Variants in ESYT2 observed in about 807,000 individuals in gnomAD.
The protein encoded by ESYT2 is extended synaptotagmin 2.
A neutral mutation model predicts 107.2 loss-of-function variants in ESYT2; 54 were observed. The ratio of observed to expected loss-of-function variants is 0.50; its 90% CI spans 0.40 to 0.63. ESYT2 has a LOEUF of 0.63. Ranked by LOEUF, ESYT2 falls within the 30% of genes least tolerant of loss-of-function variation. The pLI, the probability that ESYT2 is intolerant of heterozygous loss-of-function variation, is 0.00. For synonymous variants in ESYT2, 491 were observed against 434.1 expected (o/e 1.13, Z -1.63); for missense variants, 1,020 against 1,094.5 (o/e 0.93, Z 0.96).
At chr7:158,803,334 G>T (rs1247114603) in intron 1 of ESYT2, among the ~76,000 whole-genome samples, 1 of 152,226 alleles carries the variant, frequency 6.6e-6, no homozygotes, top group South Asian at 2.1e-4. Flanking sequence ...AAATGGAACA[G>T]ATAAGGCAAA....
rs1836800758 is a variant in ESYT2 at position 158,733,121 on chromosome 7, C to T, written c.*1086G>A. ...GCTCGCAGCTGTGGCGCCCCCAACC[C>T]TGGTGGTGGCCAGTGCACATCGGCT... On this transcript the variant is annotated 3_prime_UTR_variant, in exon 23 of 23. Transcript: ENST00000275418. 1 of 152,256 alleles carries T rather than the reference C, an allele frequency of 6.6e-6. No homozygotes were observed. The highest frequency in any genetic ancestry group is 1.5e-5 in the Non-Finnish European group (1 of 68,050). The allele number at this position is 152,256 out of a possible 1,614,324, so 9.4% of individuals were successfully genotyped here.
intron 20 of ESYT2, among the ~76,000 whole-genome samples, chr7:158,736,796 A>ACT (rs2129471149): frequency 6.6e-6 from 1 of 152,328 alleles, no homozygotes; most frequent in South Asian, 2.1e-4. Context: ...GGCCATCAGT[A>ACT]ACCTGATCTT....
chr7:158,809,776 A>C (rs1028864234), intron 1 of ESYT2, among the ~76,000 whole-genome samples: 4 of 152,242 alleles, frequency 2.6e-5, no homozygotes, highest in Non-Finnish European at 5.9e-5. Context: ...TAGGCCAATC[A>C]CCAGGTTTTG....
chr7:158,790,519 C>T lies in ESYT2; in HGVS notation c.585-2102G>A, dbSNP rs80163360. 0.011 allele frequency among the ~76,000 whole-genome samples: 1,618 copies of T among 152,288 alleles called. 51 individuals are homozygous for T. In the East Asian group the frequency reaches 0.12, roughly 11 times the overall value. The stretch of plus-strand genomic sequence containing the variant: ...CTGCCCTCCAGCCCGGGTGACAGAG[C>T]GAGACCCTATGGGGGGTGTGGGGGG... On this transcript the variant is annotated intron_variant, in intron 4 of 22. Coordinates refer to ENST00000275418, the MANE Select transcript of ESYT2 (RefSeq NM_001367773.1).
chr7:158,829,171 C>G lies in ESYT2; in HGVS notation c.248G>C (p.Arg83Pro). 6.5e-7 allele frequency: 1 copy of G among 1,547,798 alleles called. No individual in the cohort carries two copies. Among genetic ancestry groups the G allele is most frequent in the Non-Finnish European group, 8.7e-7 (1 of 1,155,462 alleles). Residue 83 changes from arginine (R) to proline (P), a missense_variant, in exon 1 of 23, where the codon CGC (arginine) becomes CCC (proline). Transcript: ENST00000275418. Reference protein sequence around the residue: ...CRRSRGLKALRLCRALALLED... With the variant: ...CRRSRGLKALPLCRALALLED... ...CAGCAGCGCCAGCGCGCGGCACAGG[C>G]GCAGGGCCTTGAGGCCGCGGCTGCG...
intron 6 of ESYT2, among the ~76,000 whole-genome samples, chr7:158,781,176 AGAGAACAAAT>A (rs1563648290): frequency 6.6e-6 from 1 of 152,212 alleles, no homozygotes; most frequent in East Asian, 1.9e-4. Flanking sequence ...GAGGAGTGTG[AGAGAACAAAT>A]GAGAACAAGT....
intron 6 of ESYT2, among the ~76,000 whole-genome samples, chr7:158,785,754 G>A (rs770361107): frequency 6.6e-6 from 1 of 152,094 alleles, no homozygotes; most frequent in African/African-American, 2.4e-5. Flanking sequence ...TAACCACAGC[G>A]CTGTGCTGCC....
chr7:158,788,101 C>CA lies in ESYT2; in HGVS notation c.658-9dup. On this transcript the variant is annotated splice_polypyrimidine_tract_variant and intron_variant, in intron 5 of 22. Transcript: ENST00000275418. ...CCGCATGGTACCATGAATCTAAACT[C>CA]AAACAGGAAACCAAAATATGTAATA... is the stretch of plus-strand genomic sequence containing the variant. The CA allele has an allele frequency of 6.2e-7, 1 of 1,612,768 alleles. No individual in the cohort carries two copies. The highest frequency in any genetic ancestry group is 8.5e-7 in the Non-Finnish European group (1 of 1,178,872).
chr7:158,743,793 G>T, intron 16 of ESYT2, 115 bp from the exon 17 acceptor site: 1 of 1,229,716 alleles, frequency 8.1e-7, no homozygotes, highest in Non-Finnish European at 1.1e-6. Flanking sequence ...AGAAAATGTA[G>T]AAAGGGGCCA....
rs370649716 is a variant in ESYT2, at chr7:158,735,502, C to A, written c.2505+1G>T. 1.2e-6 allele frequency: 2 copies of A among 1,613,356 alleles called. No individual in the cohort carries two copies. Among genetic ancestry groups the A allele is most frequent in the Non-Finnish European group, 1.7e-6 (2 of 1,179,362 alleles). ...TGGTTGAGGATTCGTTTGGCACTTA[C>A]TTTGCCAAGGAGCCCTTTGTCTTTG... is the stretch of plus-strand genomic sequence containing the variant. On this transcript the variant is annotated splice_donor_variant, in intron 21 of 22. Coordinates refer to ENST00000275418, the MANE Select transcript of ESYT2 (RefSeq NM_001367773.1). LOFTEE classifies it high-confidence loss of function.
Position 158,738,173 on chromosome 7 carries a change from G to A in ESYT2, c.2267+850C>T, listed in dbSNP as rs560213359. On this transcript the variant is annotated intron_variant, in intron 19 of 22. Transcript: ENST00000275418. ...TACTAAAAATACAAGTTAGTCGGAC[G>A]AGGTAGTGCACGCCTGTAATCCCAC... Among the ~76,000 whole-genome samples, 8 of 152,072 alleles carry A rather than the reference G, an allele frequency of 5.3e-5. No homozygotes were observed. In the South Asian group the frequency reaches 6.2e-4, roughly 12 times the overall value.
At chr7:158,822,459 CGT>C (rs1313752597) in intron 1 of ESYT2, among the ~76,000 whole-genome samples, 2 of 152,032 alleles carry the variant, frequency 1.3e-5, no homozygotes, top group African/African-American at 4.8e-5. Context: ...GTATAGCATC[CGT>C]GTTTAAGGGA....
At chr7:158,773,807 T>C (rs925649608) in intron 6 of ESYT2, among the ~76,000 whole-genome samples, 19 of 152,220 alleles carry the variant, frequency 1.2e-4, no homozygotes, top group African/African-American at 4.6e-4. Flanking sequence ...TTAATGTCAA[T>C]AGATGGTACC....
Position 158,735,603 on chromosome 7 carries a change from T to C in ESYT2, c.2405A>G (p.Asp802Gly), listed in dbSNP as rs771204628. The change falls in exon 21 of 23, where the codon GAT (aspartate) becomes GGT (glycine). Residue 802 changes from aspartate (D) to glycine (G), a missense_variant. By Grantham distance (94) the Asp-to-Gly change is moderately conservative. Coordinates refer to ENST00000275418, the MANE Select transcript of ESYT2 (RefSeq NM_001367773.1). Reference protein sequence around the residue: ...TLNPVFDQSFDFSVSLPEVQR... With the variant: ...TLNPVFDQSFGFSVSLPEVQR... ...CACTTCTGGTAACGAAACACTGAAATCAAAGCTGAAATAGGAAACGAGAGC... is the reference window on the plus strand; with the variant it reads ...CACTTCTGGTAACGAAACACTGAAACCAAAGCTGAAATAGGAAACGAGAGC... 3 of 1,613,338 alleles carry C rather than the reference T, an allele frequency of 1.9e-6. No individual in the cohort carries two copies. Among genetic ancestry groups the C allele is most frequent in the Non-Finnish European group, 2.5e-6 (3 of 1,179,360 alleles).
At position 158,741,787 on chromosome 7, in the gene ESYT2, A is replaced by G. The variant is rs536103534; in HGVS notation, c.1904T>C (p.Met635Thr). Reference sequence around the variant, plus strand: ...GCCACCAGGGCCTGGAGACCCAGACATATGAGATTTGATGGATGTTTTCCT... The same window carrying G: ...GCCACCAGGGCCTGGAGACCCAGACGTATGAGATTTGATGGATGTTTTCCT... Reference protein sequence around the residue: ...EGRKTSIKSHMSGSPGPGGSN... With the variant: ...EGRKTSIKSHTSGSPGPGGSN... Residue 635 changes from methionine to threonine, a missense_variant, in exon 18 of 23, where the codon ATG becomes ACG. Coordinates refer to ENST00000275418, the MANE Select transcript of ESYT2 (RefSeq NM_001367773.1). The G allele has an allele frequency of 6.2e-7, 1 of 1,614,086 alleles. No individual in the cohort carries two copies. Among genetic ancestry groups the G allele is most frequent in the African/African-American group, 1.3e-5 (1 of 75,018 alleles).
At chr7:158,759,454 G>A (rs145413440) in intron 13 of ESYT2, 32 bp downstream of exon 13, 13 of 1,535,058 alleles carry the variant, frequency 8.5e-6, no homozygotes, top group East Asian at 6.8e-5. Context: ...TAGGAAATAC[G>A]CACCCACAGG....
intron 8 of ESYT2, 32 bp from the exon 9 acceptor site, chr7:158,764,885 C>T (rs755762964): frequency 6.2e-7 from 1 of 1,601,608 alleles, no homozygotes; most frequent in South Asian, 1.1e-5. Flanking sequence ...AGTTTAGACC[C>T]TTGGCTGGCT....
chr7:158,766,796 ACG>A (rs1471537859), intron 8 of ESYT2, among the ~76,000 whole-genome samples: 1 of 152,246 alleles, frequency 6.6e-6, no homozygotes, highest in Admixed American at 6.5e-5. Flanking sequence ...AGACACCACC[ACG>A]GTGGTAATGC....
chr7:158,827,179 G>GA (rs1840482741), intron 1 of ESYT2, among the ~76,000 whole-genome samples: 1 of 133,268 alleles, frequency 7.5e-6, no homozygotes, highest in Non-Finnish European at 1.6e-5. Flanking sequence ...AAAAAAAAAA[G>GA]AAAAGAAAAA....
Sources: allele counts gnomAD v4.1 joint callset (sites outside exome capture counted in the v4.1 genomes callset), GRCh38; gene constraint gnomAD v4.1.1; transcripts MANE v1.5; gene names NCBI Gene and HGNC (gene_info 2026-07-23, HGNC 2026-07-21).